The following CAMKMT variants were observed in gnomAD, a reference collection of about 807,000 sequenced individuals.
CAMKMT encodes calmodulin-lysine N-methyltransferase, also known as CaM KMT.
In CAMKMT, 53 loss-of-function variants were observed where a neutral mutation model predicts 48.0. The observed-to-expected ratio is 1.10, with a 90% CI of 0.89 to 1.39. The LOEUF (loss-of-function observed/expected upper bound fraction) is 1.39, where lower values mean the gene tolerates loss of function less well. CAMKMT is among the 40% of genes most tolerant of loss of function. The pLI, the probability that CAMKMT is intolerant of heterozygous loss-of-function variation, is 0.00. For missense variants in CAMKMT, 428 were observed against 402.7 expected, an observed-to-expected ratio of 1.06 and a Z score of -0.54; for synonymous variants, 165 against 152.3, an observed-to-expected ratio of 1.08 and a Z score of -0.61.
chr2:44,755,619 A>G (rs981401263), intron 9 of CAMKMT, among the ~76,000 whole-genome samples: 4 of 152,170 alleles, frequency 2.6e-5, no homozygotes, highest in Admixed American at 2.6e-4. Flanking sequence ...CCTAGGATCT[A>G]TTGTAAATCA....
intron 3 of CAMKMT, among the ~76,000 whole-genome samples, chr2:44,405,561 G>C (rs1682722768): frequency 6.6e-6 from 1 of 152,032 alleles, no homozygotes; most frequent in Non-Finnish European, 1.5e-5. Flanking sequence ...GAATGGGGTA[G>C]AAGAAAAATT....
chr2:44,379,813 G>T (rs539491082), intron 2 of CAMKMT, among the ~76,000 whole-genome samples: 21 of 150,058 alleles, frequency 1.4e-4, no homozygotes, highest in Non-Finnish European at 2.4e-4. Context: ...TCCTGTCTTT[G>T]TGTTTTTAAT....
At chr2:44,717,618 A>C (rs560267452) in intron 7 of CAMKMT, among the ~76,000 whole-genome samples, 24 of 152,298 alleles carry the variant, frequency 1.6e-4, no homozygotes, top group African/African-American at 5.5e-4. Flanking sequence ...TTTCTCCTCC[A>C]AATTGGAGAT....
At chr2:44,704,602 C>T (rs1186581077) in intron 4 of CAMKMT, among the ~76,000 whole-genome samples, 1 of 150,254 alleles carries the variant, frequency 6.7e-6, no homozygotes, top group Non-Finnish European at 1.5e-5. Flanking sequence ...TTTTGATTTC[C>T]ACTCAAGGCA....
rs185061212 is a variant in CAMKMT, at chr2:44,364,573, A to C, written c.138+2428A>C. ...GGCCTGGTTAATTGATTTTTAGTAG[A>C]TGTTGTTCAGTGTCTGTGGAAAGCC... On this transcript the variant is annotated intron_variant, in intron 1 of 10. Transcript: ENST00000378494. Among the ~76,000 whole-genome samples, 549 of 152,252 alleles carry C rather than the reference A, an allele frequency of 3.6e-3. 3 individuals carry two copies. Among genetic ancestry groups the C allele is most frequent in the African/African-American group, 0.013 (531 of 41,532 alleles).
chr2:44,659,707 G>A (rs532070870), intron 3 of CAMKMT, among the ~76,000 whole-genome samples: 4 of 151,652 alleles, frequency 2.6e-5, no homozygotes, highest in Non-Finnish European at 4.4e-5. Context: ...AATTTATACT[G>A]TCTATTCATG....
chr2:44,604,982 G>T (rs1292730321), intron 3 of CAMKMT, among the ~76,000 whole-genome samples: 2 of 152,094 alleles, frequency 1.3e-5, no homozygotes, highest in African/African-American at 4.8e-5. Flanking sequence ...CAAATGGAGT[G>T]CCATCAGTCC....
At chr2:44,580,257 ATAAAATAAAG>A (rs974588389) in intron 3 of CAMKMT, among the ~76,000 whole-genome samples, 9 of 151,616 alleles carry the variant, frequency 5.9e-5, no homozygotes, top group African/African-American at 2.2e-4. Context: ...ATAAAATAAA[ATAAAATAAAG>A]TAAAATAAAA....
At chr2:44,728,010 C>A (rs746993146) in intron 7 of CAMKMT, among the ~76,000 whole-genome samples, 1 of 152,150 alleles carries the variant, frequency 6.6e-6, no homozygotes, top group African/African-American at 2.4e-5. Flanking sequence ...GCAGCCTCAA[C>A]CTCCCGGGGT....
At chr2:44,706,805 T>C (rs892718078) in intron 5 of CAMKMT, among the ~76,000 whole-genome samples, 1 of 152,060 alleles carries the variant, frequency 6.6e-6, no homozygotes, top group Non-Finnish European at 1.5e-5. Flanking sequence ...TCGTTCCCCA[T>C]TCTCTGGGTT....
At chr2:44,429,201 C>G (rs1684477125) in intron 3 of CAMKMT, among the ~76,000 whole-genome samples, 1 of 151,770 alleles carries the variant, frequency 6.6e-6, no homozygotes, top group African/African-American at 2.4e-5. Context: ...AGCTGTGAAG[C>G]TGACTTTGAA....
chr2:44,576,736 AAAGT>A (rs1436235520), intron 3 of CAMKMT, among the ~76,000 whole-genome samples: 1 of 152,212 alleles, frequency 6.6e-6, no homozygotes, highest in East Asian at 1.9e-4. Flanking sequence ...GTCAAAAATA[AAAGT>A]AAGTGTGCTG....
chr2:44,665,669 A>G (rs1674926568), intron 3 of CAMKMT, among the ~76,000 whole-genome samples: 1 of 152,220 alleles, frequency 6.6e-6, no homozygotes, highest in Non-Finnish European at 1.5e-5. Context: ...CCCTATAAGC[A>G]TACCAAAGGT....
chr2:44,479,330 A>G (rs994195233), intron 3 of CAMKMT, among the ~76,000 whole-genome samples: 9 of 152,166 alleles, frequency 5.9e-5, no homozygotes, highest in African/African-American at 2.2e-4. Flanking sequence ...ACTAAGTGAC[A>G]TTAGATTAGC....
intron 3 of CAMKMT, among the ~76,000 whole-genome samples, chr2:44,532,293 G>C (rs1380483868): frequency 6.6e-6 from 1 of 152,174 alleles, no homozygotes; most frequent in Non-Finnish European, 1.5e-5. Context: ...ACCATATATG[G>C]ATTATGTTGA....
At chr2:44,769,142 AAT>A (rs2104410432) in intron 10 of CAMKMT, among the ~76,000 whole-genome samples, 1 of 152,180 alleles carries the variant, frequency 6.6e-6, no homozygotes, top group African/African-American at 2.4e-5. Context: ...AAAAAAAAAA[AAT>A]CTACAGATTT....
intron 3 of CAMKMT, among the ~76,000 whole-genome samples, chr2:44,394,697 G>C (rs1028075526): frequency 2.6e-5 from 4 of 152,088 alleles, no homozygotes; most frequent in Non-Finnish European, 5.9e-5. Flanking sequence ...CAAAGTGCTG[G>C]GATTATAGGC....
Position 44,364,190 on chromosome 2 carries a change from T to A in CAMKMT, c.138+2045T>A, listed in dbSNP as rs552067225. ...ATAGTAAAAACTACAGCACTTATGT[T>A]CATTCTAAATTGCGGTCTAAATGAA... On this transcript the variant is annotated intron_variant, in intron 1 of 10. Coordinates refer to ENST00000378494, the MANE Select transcript of CAMKMT (RefSeq NM_024766.5). Among the ~76,000 whole-genome samples, 5 of 152,228 alleles carry A rather than the reference T, an allele frequency of 3.3e-5. No homozygotes were observed. The South Asian group carries it at 1.0e-3, about 32-fold the overall frequency.
chr2:44,620,155 A>T (rs1278583951), intron 3 of CAMKMT, among the ~76,000 whole-genome samples: 2 of 152,248 alleles, frequency 1.3e-5, no homozygotes, highest in Non-Finnish European at 2.9e-5. Flanking sequence ...TAGAATTAGT[A>T]TTCAGATGTC....
Sources: gnomAD v4.1 joint callset for allele counts (sites outside exome capture counted in the v4.1 genomes callset) on GRCh38, gnomAD v4.1.1 for gene constraint, MANE v1.5 for transcripts, NCBI Gene and HGNC (gene_info 2026-07-23, HGNC 2026-07-21) for gene names.